The following SEC24C variants were observed in gnomAD, a reference collection of about 807,000 sequenced individuals.
SEC24C encodes protein transport protein Sec24C.
SEC24C carries 22 observed loss-of-function variants against 117.0 expected under a neutral mutation model. That is an observed-to-expected ratio of 0.19 (90% CI 0.13 to 0.27). SEC24C has a LOEUF of 0.27. Among genes scored for constraint, SEC24C ranks in the 10% least tolerant of loss-of-function variants. SEC24C has a pLI of 1.00. For synonymous variants in SEC24C, 506 were observed against 529.4 expected (o/e 0.96, Z 0.61); for missense variants, 1,155 against 1,375.1 (o/e 0.84, Z 2.53).
rs761264201 is a variant in SEC24C, at chr10:73,769,254, G to A, written c.2425-93G>A. 29 of 1,586,484 alleles carry A rather than the reference G, an allele frequency of 1.8e-5. No homozygotes were observed. The highest frequency in any genetic ancestry group is 3.4e-5 in the South Asian group (3 of 87,936). On this transcript the variant is annotated intron_variant, in intron 17 of 22. Coordinates refer to ENST00000345254, the MANE Select transcript of SEC24C (RefSeq NM_198597.3). The surrounding 1 kb of genome is among the most constrained non-coding windows in gnomAD (Gnocchi z 4.5). Reference sequence around the variant, plus strand: ...AGCACTAAAAGAAGAGACAGGGCACGGGAGTGGCTCATTTCTCTCTTCCAG... The same window carrying A: ...AGCACTAAAAGAAGAGACAGGGCACAGGAGTGGCTCATTTCTCTCTTCCAG...
chr10:73,752,819 G>C (rs1233355573), intron 3 of SEC24C, among the ~76,000 whole-genome samples: 1 of 151,902 alleles, frequency 6.6e-6, no homozygotes, highest in Non-Finnish European at 1.5e-5. Context: ...GCAAGACCCT[G>C]TCACAAAAAA....
chr10:73,760,460 T>G, intron 5 of SEC24C, 74 bp downstream of exon 5: 4 of 1,487,200 alleles, frequency 2.7e-6, no homozygotes, highest in Non-Finnish European at 3.6e-6. Context: ...GTTTTTTATT[T>G]GTTTGTTTTT....
In SEC24C at chr10:73,770,410, A is replaced by G. The variant is rs2132584329; in HGVS notation, c.2993A>G (p.Gln998Arg). 1.2e-6 allele frequency: 2 copies of G among 1,613,954 alleles called. No homozygotes were observed. The highest frequency in any genetic ancestry group is 4.5e-5 in the East Asian group (2 of 44,886). The change falls in exon 21 of 23, where the codon CAA becomes CGA. Residue 998 changes from glutamine to arginine, a missense_variant. Gln to Arg is a conservative substitution (Grantham distance 43, BLOSUM62 1). Transcript: ENST00000345254. Reference protein sequence around the residue: ...NLFLWVGASVQQGVVQSLFSV... With the variant: ...NLFLWVGASVRQGVVQSLFSV... ...TTCCTCTGGGTGGGAGCAAGCGTCC[A>G]ACAGGGTGTTGTCCAGAGCCTTTTC...
At chr10:73,756,671 G>A (rs1353065597) in intron 3 of SEC24C, among the ~76,000 whole-genome samples, 4 of 151,800 alleles carry the variant, frequency 2.6e-5, no homozygotes, top group Admixed American at 6.6e-5. Context: ...CACGATCTCA[G>A]CTCACTGCAG....
At chr10:73,761,603 C>G (rs2082797277) in intron 6 of SEC24C, among the ~76,000 whole-genome samples, 1 of 152,190 alleles carries the variant, frequency 6.6e-6, no homozygotes, top group South Asian at 2.1e-4. Flanking sequence ...GTTCTCGTCC[C>G]TCTTCCTCCT....
At chr10:73,748,189 G>T (rs1390426505) in intron 2 of SEC24C, among the ~76,000 whole-genome samples, 6 of 151,930 alleles carry the variant, frequency 3.9e-5, no homozygotes, top group Non-Finnish European at 7.4e-5. Context: ...AGGCTGGAGT[G>T]CAGTGGCACA....
At chr10:73,767,213 C>A in intron 14 of SEC24C, 43 bp downstream of exon 14, 2 of 1,307,480 alleles carry the variant, frequency 1.5e-6, no homozygotes, top group Non-Finnish European at 2.2e-6. Flanking sequence ...TTTTTCATTA[C>A]AGAGGAAGTG....
In SEC24C at chr10:73,766,561, G is replaced by C; in HGVS notation, c.1799+20G>C. ...CACCAGGTAAGAGCCAGATTGTGGA[G>C]GTAAAGGTTGGGGGTGGCATGGGTA... On this transcript the variant is annotated intron_variant, in intron 12 of 22. Coordinates refer to ENST00000345254, the MANE Select transcript of SEC24C (RefSeq NM_198597.3). The C allele has an allele frequency of 6.3e-7, 1 of 1,592,620 alleles. No homozygotes were observed. The highest frequency in any genetic ancestry group is 8.5e-7 in the Non-Finnish European group (1 of 1,171,862).
chr10:73,757,560 G>A (rs928226628), intron 3 of SEC24C, among the ~76,000 whole-genome samples: 5 of 150,542 alleles, frequency 3.3e-5, no homozygotes, highest in Admixed American at 6.6e-5. Context: ...TGTCATTATT[G>A]GAGTACCTTC....
Position 73,772,086 on chromosome 10 carries a change from C to G in SEC24C, c.*991C>G. ...CCACCTGGGATGCCCCTGCTCTGGACCTCTCATTTCTCTTCATTGGTTTAT... is the reference window on the plus strand; with the variant it reads ...CCACCTGGGATGCCCCTGCTCTGGAGCTCTCATTTCTCTTCATTGGTTTAT... On this transcript the variant is annotated 3_prime_UTR_variant, in exon 23 of 23. Coordinates refer to ENST00000345254, the MANE Select transcript of SEC24C (RefSeq NM_198597.3). 13 of 385,378 alleles carry G rather than the reference C, an allele frequency of 3.4e-5. No homozygotes were observed. The highest frequency in any genetic ancestry group is 7.8e-5 in the East Asian group (2 of 25,536). 23.9% of individuals were successfully genotyped at this position (385,378 alleles called of 1,614,324 possible).
intron 3 of SEC24C, among the ~76,000 whole-genome samples, chr10:73,755,424 T>C (rs1377546095): frequency 1.3e-5 from 2 of 152,140 alleles, no homozygotes; most frequent in African/African-American, 4.8e-5. Context: ...ATGCCTGTAA[T>C]TCCAGCACTT....
At chr10:73,756,604 A>AT (rs536837081) in intron 3 of SEC24C, among the ~76,000 whole-genome samples, 2,101 of 147,086 alleles carry the variant, frequency 0.014, 36 homozygotes, top group Non-Finnish European at 0.016. Flanking sequence ...TCTCAGTAAT[A>AT]TTTTTTTTTT....
At chr10:73,758,157 C>T (rs964000126) in intron 3 of SEC24C, among the ~76,000 whole-genome samples, 2 of 151,842 alleles carry the variant, frequency 1.3e-5, no homozygotes, top group African/African-American at 4.8e-5. Flanking sequence ...ATTGCTTGAA[C>T]CCAGGAGGTG....
intron 8 of SEC24C, among the ~76,000 whole-genome samples, chr10:73,764,469 A>G (rs2082848784): frequency 6.7e-6 from 1 of 149,254 alleles, no homozygotes; most frequent in African/African-American, 2.5e-5. Flanking sequence ...GCTTGCAGTG[A>G]GGCGAGATTG....
rs899105804 is a variant in SEC24C, at chr10:73,760,638, T to C, written c.851-75T>C. The C allele has an allele frequency of 6.3e-6, 9 of 1,419,780 alleles. No homozygotes were observed. The African/African-American group carries it at 8.6e-5, about 14-fold the overall frequency. 87.9% of individuals were successfully genotyped at this position (1,419,780 alleles called of 1,614,324 possible). On this transcript the variant is annotated intron_variant, in intron 5 of 22. Transcript: ENST00000345254. Reference sequence around the variant, plus strand: ...TCATAATTCTATGTTTTTAGGAGTCTAGTCATTTTCCTGAGGCCTTAAGAA... The same window carrying C: ...TCATAATTCTATGTTTTTAGGAGTCCAGTCATTTTCCTGAGGCCTTAAGAA...
At chr10:73,763,734 T>C (rs1345554700) in intron 7 of SEC24C, 122 bp from the exon 8 acceptor site, 2 of 769,878 alleles carry the variant, frequency 2.6e-6, no homozygotes, top group Non-Finnish European at 3.8e-6. Flanking sequence ...CTCTAGTCCC[T>C]CTGGGGGAAA....
rs372405591 is a variant in SEC24C at position 73,746,814 on chromosome 10, A to C, written c.-19A>C. On this transcript the variant is annotated 5_prime_UTR_variant, in exon 2 of 23. Coordinates refer to ENST00000345254, the MANE Select transcript of SEC24C (RefSeq NM_198597.3). ...CTCCTCTCTCTCACAGGTGAGATCAAATTGGGAATGCTTTCATAATGAACG... is the reference window on the plus strand; with the variant it reads ...CTCCTCTCTCTCACAGGTGAGATCACATTGGGAATGCTTTCATAATGAACG... 1.9e-5 allele frequency: 30 copies of C among 1,591,110 alleles called. No homozygotes were observed. In the African/African-American group the frequency reaches 3.8e-4, roughly 20 times the overall value.
In SEC24C at chr10:73,767,985, T is replaced by C. The variant is rs2082912640; in HGVS notation, c.2159T>C (p.Val720Ala). 6.2e-7 allele frequency: 1 copy of C among 1,612,568 alleles called. No homozygotes were observed. The change falls in exon 15 of 23, where the codon GTC becomes GCC. Residue 720 changes from valine to alanine, a missense_variant. Physicochemically the swap from Val to Ala is moderately conservative, Grantham distance 64 (BLOSUM62 0). Coordinates refer to ENST00000345254, the MANE Select transcript of SEC24C (RefSeq NM_198597.3). ...GTGCCCCAGCTCACTGGTGGCTCTG[T>C]CTACAAATATGCTTCCTTTCAGGTA... The part of the protein sequence containing the change: ...SVVPQLTGGS[V>A]YKYASFQVEN...
Position 73,769,061 on chromosome 10 carries a change from T to C in SEC24C, c.2333T>C (p.Val778Ala), listed in dbSNP as rs149334764. 447 of 1,614,098 alleles carry C rather than the reference T, an allele frequency of 2.8e-4. 1 individual carries two copies. Among genetic ancestry groups the C allele is most frequent in the Non-Finnish European group, 3.6e-4 (428 of 1,180,036 alleles). ...GAFYMSNTTD[V>A]ELAGLDGDKT... Reference sequence around the variant, plus strand: ...TTCTACATGAGCAACACGACAGATGTGGAGCTGGCTGGGCTAGATGGGGAC... The same window carrying C: ...TTCTACATGAGCAACACGACAGATGCGGAGCTGGCTGGGCTAGATGGGGAC... The change falls in exon 17 of 23, where the codon GTG (valine) becomes GCG (alanine). Residue 778 changes from valine (V) to alanine (A), a missense_variant. Val to Ala is a moderately conservative substitution (Grantham distance 64, BLOSUM62 0). This residue lies in a region of SEC24C where 759 missense variants were observed against 992.3 expected (regional missense o/e 0.76). Transcript: ENST00000345254. This position sits in a 1 kb window ranked among gnomAD's most constrained non-coding sequence, Gnocchi z 4.5.
Sources: gnomAD v4.1 joint callset for allele counts (sites outside exome capture counted in the v4.1 genomes callset) on GRCh38, gnomAD v4.1.1 for gene constraint, gnomAD v4.1.1 regional missense constraint, Gnocchi (gnomAD v3.1) non-coding constraint, MANE v1.5 for transcripts, NCBI Gene and HGNC (gene_info 2026-07-23, HGNC 2026-07-21) for gene names.